Variants in SPON1 observed in about 807,000 individuals in gnomAD.
SPON1 encodes spondin 1.
Under a neutral mutation model 111.7 loss-of-function variants are expected in SPON1, and 52 were observed. The ratio of observed to expected loss-of-function variants is 0.47; its 90% CI spans 0.37 to 0.59. The LOEUF (loss-of-function observed/expected upper bound fraction) is 0.59. SPON1 is among the 20% of genes least tolerant of loss of function. The pLI, the probability that SPON1 is intolerant of heterozygous loss-of-function variation, is 0.00. For synonymous variants in SPON1, 410 were observed against 395.8 expected (o/e 1.04, Z -0.43); for missense variants, 957 against 1,068.5 (o/e 0.90, Z 1.46).
intron 6 of SPON1, among the ~76,000 whole-genome samples, chr11:14,154,934 C>T (rs1847826167): frequency 6.6e-6 from 1 of 152,176 alleles, no homozygotes; most frequent in Non-Finnish European, 1.5e-5. Context: ...AATCATCACT[C>T]TTAAGTTCAA....
At position 14,265,559 on chromosome 11, in the gene SPON1, T is replaced by TG; in HGVS notation, c.2297dup (p.Cys766TrpfsTer71). Reference sequence around the variant, plus strand: ...GCGCCCATGGACGGCCTGGTCAGAATGCACCAAACTGTGCGGAGGTGGAAT... The same window carrying TG: ...GCGCCCATGGACGGCCTGGTCAGAATGGCACCAAACTGTGCGGAGGTGGAAT... On this transcript the variant is annotated frameshift_variant, in exon 16 of 16. Transcript: ENST00000576479. LOFTEE classifies it high-confidence loss of function. 2 of 1,613,632 alleles carry TG rather than the reference T, an allele frequency of 1.2e-6. No individual in the cohort carries two copies. Among genetic ancestry groups the TG allele is most frequent in the Non-Finnish European group, 1.7e-6 (2 of 1,179,770 alleles).
chr11:14,000,703 C>A (rs1848310676), intron 2 of SPON1, among the ~76,000 whole-genome samples: 1 of 152,022 alleles, frequency 6.6e-6, no homozygotes, highest in Non-Finnish European at 1.5e-5. Flanking sequence ...TCACATGGAC[C>A]AATATGAAGA....
chr11:14,245,418 G>A (rs1260998017), intron 7 of SPON1, among the ~76,000 whole-genome samples: 2 of 152,220 alleles, frequency 1.3e-5, no homozygotes, highest in Non-Finnish European at 2.9e-5. Context: ...CTTTGCACAA[G>A]TCCAGGCAGC....
At chr11:14,217,761 AAAT>A in intron 6 of SPON1, among the ~76,000 whole-genome samples, 1 of 152,242 alleles carries the variant, frequency 6.6e-6, no homozygotes, top group Non-Finnish European at 1.5e-5. Flanking sequence ...TATAAAATAA[AAAT>A]AATAACAATT....
intron 6 of SPON1, among the ~76,000 whole-genome samples, chr11:14,160,739 A>ATATATTTATATAT (rs1333343096): frequency 3.2e-4 from 8 of 25,288 alleles, no homozygotes; most frequent in African/African-American, 1.1e-3. Flanking sequence ...ATATATATTT[A>ATATATTTATATAT]ATTTATATAT....
chr11:14,167,197 C>CA (rs1848040583), intron 6 of SPON1, among the ~76,000 whole-genome samples: 1 of 151,922 alleles, frequency 6.6e-6, no homozygotes, highest in African/African-American at 2.4e-5. Context: ...ATTTTTGTAC[C>CA]AAATAAGCCA....
At chr11:14,121,122 A>G (rs892829280) in intron 5 of SPON1, among the ~76,000 whole-genome samples, 1 of 152,220 alleles carries the variant, frequency 6.6e-6, no homozygotes, top group African/African-American at 2.4e-5. Flanking sequence ...ACTTAAAACT[A>G]TAGGGACAGA....
intron 6 of SPON1, among the ~76,000 whole-genome samples, chr11:14,182,889 A>T (rs1389928058): frequency 6.6e-6 from 1 of 152,166 alleles, no homozygotes; most frequent in African/African-American, 2.4e-5. Flanking sequence ...CCTCTTAGCA[A>T]GGGCCACGAC....
At chr11:14,213,066 A>G (rs1268393307) in intron 6 of SPON1, among the ~76,000 whole-genome samples, 2 of 152,198 alleles carry the variant, frequency 1.3e-5, no homozygotes, top group African/African-American at 4.8e-5. Context: ...CCAGGCCCCC[A>G]GTTGTCCTGT....
intron 14 of SPON1, 150 bp downstream of exon 14, chr11:14,260,902 T>G (rs1849164124): frequency 1.3e-6 from 1 of 759,290 alleles, no homozygotes; most frequent in Non-Finnish European, 2.1e-6. Context: ...TTGCAGTTAC[T>G]TAAACACTGC....
In SPON1 at chr11:14,003,691, T is replaced by C. The variant is rs1848337171; in HGVS notation, c.345+20738T>C. On this transcript the variant is annotated intron_variant, in intron 2 of 15. Transcript: ENST00000576479. Reference sequence around the variant, plus strand: ...GCCATATTTGAGGTTTACAACATAATGTTATGTATAGATAGTATACATAAT... The same window carrying C: ...GCCATATTTGAGGTTTACAACATAACGTTATGTATAGATAGTATACATAAT... Among the ~76,000 whole-genome samples the C allele has an allele frequency of 2.0e-5, 3 of 152,166 alleles. No homozygotes were observed. The South Asian group carries it at 6.2e-4, about 32-fold the overall frequency.
chr11:14,111,522 A>G (rs1554925454), intron 5 of SPON1, among the ~76,000 whole-genome samples: 1 of 152,218 alleles, frequency 6.6e-6, no homozygotes, highest in Admixed American at 6.5e-5. Flanking sequence ...GTACGTACTA[A>G]CAATCTAATA....
chr11:14,133,165 A>C (rs7479680), intron 5 of SPON1, among the ~76,000 whole-genome samples: 16,403 of 152,202 alleles, frequency 0.11, 1,082 homozygotes, highest in South Asian at 0.16. Context: ...CTGAAATAAG[A>C]CTTGAATTTA....
chr11:14,224,659 G>A, intron 6 of SPON1: 1 of 407,046 alleles, frequency 2.5e-6, no homozygotes, highest in Non-Finnish European at 4.9e-6. Flanking sequence ...CTAGCATAGA[G>A]GCCATACCCA....
rs117519694 is a variant in SPON1 at position 14,042,710 on chromosome 11, T to C, written c.479+1056T>C. 5.1e-3 allele frequency among the ~76,000 whole-genome samples: 771 copies of C among 152,348 alleles called. 6 individuals are homozygous for C. Among genetic ancestry groups the C allele is most frequent in the Non-Finnish European group, 8.3e-3 (564 of 68,036 alleles). ...GGTTCATTTGTCAAATATAGTCATT[T>C]TGACAGACTTAACAACTGTGGTTAA... On this transcript the variant is annotated intron_variant, in intron 3 of 15. Transcript: ENST00000576479.
intron 6 of SPON1, among the ~76,000 whole-genome samples, chr11:14,225,699 T>C (rs1554938071): frequency 6.6e-6 from 1 of 152,262 alleles, no homozygotes; most frequent in Non-Finnish European, 1.5e-5. Context: ...GATCGGATTA[T>C]TGATACTCTC....
intron 3 of SPON1, among the ~76,000 whole-genome samples, chr11:14,048,708 C>T (rs1848687156): frequency 6.6e-6 from 1 of 152,078 alleles, no homozygotes; most frequent in Admixed American, 6.6e-5. Flanking sequence ...AGACAAGTAG[C>T]GATTGATTAA....
At chr11:14,148,586 C>T (rs1257622435) in intron 6 of SPON1, among the ~76,000 whole-genome samples, 1 of 152,210 alleles carries the variant, frequency 6.6e-6, no homozygotes, top group East Asian at 1.9e-4. Flanking sequence ...CTCCTGGTGA[C>T]CAAGAGAGCT....
chr11:14,025,702 G>T (rs1393580179), intron 2 of SPON1, among the ~76,000 whole-genome samples: 2 of 152,114 alleles, frequency 1.3e-5, no homozygotes, highest in African/African-American at 2.4e-5. Flanking sequence ...ATCAGACCTG[G>T]GTTCTTGGGG....
Sources: gnomAD v4.1 joint callset for allele counts (sites outside exome capture counted in the v4.1 genomes callset) on GRCh38, gnomAD v4.1.1 for gene constraint, MANE v1.5 for transcripts, NCBI Gene and HGNC (gene_info 2026-07-23, HGNC 2026-07-21) for gene names.